Variants in SMIM10L1 observed in about 807,000 individuals in gnomAD.
SMIM10L1 encodes small integral membrane protein 10-like protein 1.
SMIM10L1 carries 6 observed loss-of-function variants against 4.5 expected under a neutral mutation model. The ratio of observed to expected loss-of-function variants is 1.33; its 90% CI spans 0.73 to 2.62. SMIM10L1 has a LOEUF of 2.62. Among genes scored for constraint, SMIM10L1 ranks in the 30% most tolerant of loss-of-function variants. The probability of loss-of-function intolerance (pLI) is 0.00; values close to 1 mark genes in which losing one functional copy is unlikely to be tolerated. For missense variants in SMIM10L1, 66 were observed against 86.2 expected (o/e 0.77, Z 0.93); for synonymous variants, 49 against 42.2 (o/e 1.16, Z -0.63).
rs71055100 is a variant in SMIM10L1 at position 11,174,581 on chromosome 12, C to CA, written c.*3029dup. 41,304 of 136,846 alleles carry CA rather than the reference C, an allele frequency of 0.3. 7,261 individuals carry two copies. The highest frequency in any genetic ancestry group is 0.74 in the East Asian group (3,692 of 5,012). The allele number at this position is 136,846 out of a possible 1,614,324, so 8.5% of individuals were successfully genotyped here. A position where few individuals can be genotyped will look rare whatever the true frequency, so the allele number is the denominator to read the frequency against. On this transcript the variant is annotated 3_prime_UTR_variant, in exon 1 of 1. Coordinates refer to ENST00000622602, the MANE Select transcript of SMIM10L1 (RefSeq NM_001271592.2). ...CAATAGAGATAAGAAATGTAGCTGG[C>CA]AAAAAAAAAAATGGGAAACGATGCG...
At position 11,171,829 on chromosome 12, in the gene SMIM10L1, A is replaced by C; in HGVS notation, c.*266A>C. 1 of 317,792 alleles carries C rather than the reference A, an allele frequency of 3.1e-6. No individual in the cohort carries two copies. Among genetic ancestry groups the C allele is most frequent in the Non-Finnish European group, 5.7e-6 (1 of 174,996 alleles). The allele number at this position is 317,792 out of a possible 1,614,324, so 19.7% of individuals were successfully genotyped here. ...TCTAAGAAAGTGTGCATCCTAAAAC[A>C]CCTGACGAATTTCAGAATGTGACAA... On this transcript the variant is annotated 3_prime_UTR_variant, in exon 1 of 1. Transcript: ENST00000622602.
chr12:11,171,606 C>G lies in SMIM10L1; in HGVS notation c.*43C>G. On this transcript the variant is annotated 3_prime_UTR_variant, in exon 1 of 1. Transcript: ENST00000622602. ...CGGCCTCCGGGGCCAGCATGATGGC[C>G]GACTCCCAGGGTCCGTTGCGGCGCG... The G allele has an allele frequency of 8.3e-7, 1 of 1,210,092 alleles. No homozygotes were observed. Among genetic ancestry groups the G allele is most frequent in the Non-Finnish European group, 1.0e-6 (1 of 967,918 alleles). 75.0% of individuals were successfully genotyped at this position (1,210,092 alleles called of 1,614,324 possible). A position where few individuals can be genotyped will look rare whatever the true frequency, so the allele number is the denominator to read the frequency against.
chr12:11,171,434 C>T lies in SMIM10L1; in HGVS notation c.78C>T (p.Val26=), dbSNP rs1172891875. The change falls in exon 1 of 1, where the codon GTC becomes GTT. Residue 26 remains valine (V), a synonymous_variant. Coordinates refer to ENST00000622602, the MANE Select transcript of SMIM10L1 (RefSeq NM_001271592.2). ...CCGCGACACCCACCTCGTACGGCGTCTTCTGCAAGGGGCTCTCCCGCACCC... is the reference window on the plus strand; with the variant it reads ...CCGCGACACCCACCTCGTACGGCGTTTTCTGCAAGGGGCTCTCCCGCACCC... ...SPAATPTSYG[V]FCKGLSRTLL... The T allele has an allele frequency of 8.1e-6, 10 of 1,231,970 alleles. No individual in the cohort carries two copies. Among genetic ancestry groups the T allele is most frequent in the East Asian group, 3.2e-5 (1 of 31,688 alleles). 76.3% of individuals were successfully genotyped at this position (1,231,970 alleles called of 1,614,324 possible).
In SMIM10L1 at chr12:11,172,523, G is replaced by A. The variant is rs1392883492; in HGVS notation, c.*960G>A. ...AGGGTAGCCATAAAGTTTCTAAAAC[G>A]GTAATATATTAAAGAGGGAGAGTGG... On this transcript the variant is annotated 3_prime_UTR_variant, in exon 1 of 1. Transcript: ENST00000622602. The A allele has an allele frequency of 6.6e-6, 1 of 151,970 alleles. No individual in the cohort carries two copies. The highest frequency in any genetic ancestry group is 1.5e-5 in the Non-Finnish European group (1 of 67,992). 9.4% of individuals were successfully genotyped at this position (151,970 alleles called of 1,614,324 possible). A position where few individuals can be genotyped will look rare whatever the true frequency, so the allele number is the denominator to read the frequency against.
At position 11,172,681 on chromosome 12, in the gene SMIM10L1, G is replaced by C. The variant is rs1414145075; in HGVS notation, c.*1118G>C. Reference sequence around the variant, plus strand: ...GCCTAGAGAGCTTTCATTTTCCAAAGAGTGTGGGGATAAATTAGTGAATGC... The same window carrying C: ...GCCTAGAGAGCTTTCATTTTCCAAACAGTGTGGGGATAAATTAGTGAATGC... On this transcript the variant is annotated 3_prime_UTR_variant, in exon 1 of 1. Transcript: ENST00000622602. 1 of 152,178 alleles carries C rather than the reference G, an allele frequency of 6.6e-6. No homozygotes were observed. The highest frequency in any genetic ancestry group is 1.5e-5 in the Non-Finnish European group (1 of 68,026). 9.4% of individuals were successfully genotyped at this position (152,178 alleles called of 1,614,324 possible). A position where few individuals can be genotyped will look rare whatever the true frequency, so the allele number is the denominator to read the frequency against.
chr12:11,172,179 CGTG>C lies in SMIM10L1; in HGVS notation c.*618_*620del, dbSNP rs1241708423. The stretch of plus-strand genomic sequence containing the variant: ...CTACTTCAGTGATCCTGTGGCAGGA[CGTG>C]GATCAAGACTTGGAACCGCAGAAAA... On this transcript the variant is annotated 3_prime_UTR_variant, in exon 1 of 1. Transcript: ENST00000622602. 1 of 152,138 alleles carries C rather than the reference CGTG, an allele frequency of 6.6e-6. No individual in the cohort carries two copies. The highest frequency in any genetic ancestry group is 1.5e-5 in the Non-Finnish European group (1 of 68,016). The allele number at this position is 152,138 out of a possible 1,614,324, so 9.4% of individuals were successfully genotyped here. A position where few individuals can be genotyped will look rare whatever the true frequency, so the allele number is the denominator to read the frequency against.
Position 11,174,177 on chromosome 12 carries a change from A to G in SMIM10L1, c.*2614A>G, listed in dbSNP as rs1246109226. On this transcript the variant is annotated 3_prime_UTR_variant, in exon 1 of 1. Coordinates refer to ENST00000622602, the MANE Select transcript of SMIM10L1 (RefSeq NM_001271592.2). ...CATGATGCAATTCAGTGAAATTCCCAGGAGACAAAACAAGATTTTGACCTG... is the reference window on the plus strand; with the variant it reads ...CATGATGCAATTCAGTGAAATTCCCGGGAGACAAAACAAGATTTTGACCTG... 1 of 152,102 alleles carries G rather than the reference A, an allele frequency of 6.6e-6. No individual in the cohort carries two copies. The highest frequency in any genetic ancestry group is 6.5e-5 in the Admixed American group (1 of 15,270). The allele number at this position is 152,102 out of a possible 1,614,324, so 9.4% of individuals were successfully genotyped here.
At position 11,171,734 on chromosome 12, in the gene SMIM10L1, G is replaced by C; in HGVS notation, c.*171G>C. On this transcript the variant is annotated 3_prime_UTR_variant, in exon 1 of 1. Coordinates refer to ENST00000622602, the MANE Select transcript of SMIM10L1 (RefSeq NM_001271592.2). ...GCGGAGCTCCTCAGGGGGCGGCCGG[G>C]AGCCTACAATCCCTAGAAAGAGAAT... The C allele has an allele frequency of 7.1e-6, 3 of 424,474 alleles. No homozygotes were observed. The highest frequency in any genetic ancestry group is 1.2e-5 in the Non-Finnish European group (3 of 250,996). The allele number at this position is 424,474 out of a possible 1,614,324, so 26.3% of individuals were successfully genotyped here.
In SMIM10L1 at chr12:11,171,737, C is replaced by T. The variant is rs1457580711; in HGVS notation, c.*174C>T. ...GAGCTCCTCAGGGGGCGGCCGGGAG[C>T]CTACAATCCCTAGAAAGAGAATACG... On this transcript the variant is annotated 3_prime_UTR_variant, in exon 1 of 1. Coordinates refer to ENST00000622602, the MANE Select transcript of SMIM10L1 (RefSeq NM_001271592.2). The T allele has an allele frequency of 1.7e-5, 7 of 411,308 alleles. No individual in the cohort carries two copies. The highest frequency in any genetic ancestry group is 2.5e-5 in the Non-Finnish European group (6 of 239,176). The allele number at this position is 411,308 out of a possible 1,614,324, so 25.5% of individuals were successfully genotyped here.
At position 11,172,599 on chromosome 12, in the gene SMIM10L1, C is replaced by T. The variant is rs550626850; in HGVS notation, c.*1036C>T. On this transcript the variant is annotated 3_prime_UTR_variant, in exon 1 of 1. Transcript: ENST00000622602. ...AGGAAATGGCTAAAGATGGAGAGCT[C>T]AGGTAGAATAGTTTAAAAAATGAAA... The T allele has an allele frequency of 8.0e-4, 122 of 152,100 alleles. No individual in the cohort carries two copies. The highest frequency in any genetic ancestry group is 2.8e-3 in the African/African-American group (117 of 41,458). The allele number at this position is 152,100 out of a possible 1,614,324, so 9.4% of individuals were successfully genotyped here.
At position 11,174,685 on chromosome 12, in the gene SMIM10L1, T is replaced by G. The variant is rs1249129819; in HGVS notation, c.*3122T>G. On this transcript the variant is annotated 3_prime_UTR_variant, in exon 1 of 1. Transcript: ENST00000622602. ...ACCTAAGGGATAGGGGAAAAGTTGT[T>G]TTTTTTTTTTTAATTCTGGGTAAAA... The G allele has an allele frequency of 1.2e-4, 2 of 16,198 alleles. No individual in the cohort carries two copies. Among genetic ancestry groups the G allele is most frequent in the Non-Finnish European group, 4.8e-4 (1 of 2,072 alleles). 1.0% of individuals were successfully genotyped at this position (16,198 alleles called of 1,614,324 possible). A position where few individuals can be genotyped will look rare whatever the true frequency, so the allele number is the denominator to read the frequency against.
Position 11,174,061 on chromosome 12 carries a change from G to A in SMIM10L1, c.*2498G>A, listed in dbSNP as rs1289812950. On this transcript the variant is annotated 3_prime_UTR_variant, in exon 1 of 1. Transcript: ENST00000622602. ...TAATATATGTATATATATATATTAG[G>A]AGTTAAATGTATTAGGAGGTAAATG... 6.7e-6 allele frequency: 1 copy of A among 150,330 alleles called. No individual in the cohort carries two copies. The highest frequency in any genetic ancestry group is 1.5e-5 in the Non-Finnish European group (1 of 67,518). The allele number at this position is 150,330 out of a possible 1,614,324, so 9.3% of individuals were successfully genotyped here. A position where few individuals can be genotyped will look rare whatever the true frequency, so the allele number is the denominator to read the frequency against.
rs891863835 is a variant in SMIM10L1 at position 11,172,061 on chromosome 12, A to C, written c.*498A>C. 1.3e-5 allele frequency: 2 copies of C among 152,276 alleles called. No individual in the cohort carries two copies. Among genetic ancestry groups the C allele is most frequent in the African/African-American group, 4.8e-5 (2 of 41,462 alleles). The allele number at this position is 152,276 out of a possible 1,614,324, so 9.4% of individuals were successfully genotyped here. ...TAATCAGAAATTTTCGGTGAAAAAA[A>C]CGCAAAACTGTACAGGAAAATCATC... On this transcript the variant is annotated 3_prime_UTR_variant, in exon 1 of 1. Coordinates refer to ENST00000622602, the MANE Select transcript of SMIM10L1 (RefSeq NM_001271592.2).
At position 11,174,993 on chromosome 12, in the gene SMIM10L1, A is replaced by G. The variant is rs868218956; in HGVS notation, c.*3430A>G. 1 of 152,308 alleles carries G rather than the reference A, an allele frequency of 6.6e-6. No individual in the cohort carries two copies. Among genetic ancestry groups the G allele is most frequent in the Non-Finnish European group, 1.5e-5 (1 of 68,022 alleles). 9.4% of individuals were successfully genotyped at this position (152,308 alleles called of 1,614,324 possible). A position where few individuals can be genotyped will look rare whatever the true frequency, so the allele number is the denominator to read the frequency against. The stretch of plus-strand genomic sequence containing the variant: ...TTTCATAAGGAGTTCAATTTTCTTA[A>G]ATGTGTAGATAATTACAAATAATTC... On this transcript the variant is annotated 3_prime_UTR_variant, in exon 1 of 1. Coordinates refer to ENST00000622602, the MANE Select transcript of SMIM10L1 (RefSeq NM_001271592.2).
rs1947935443 is a variant in SMIM10L1, at chr12:11,175,536, C to CA, written c.*3974dup. On this transcript the variant is annotated 3_prime_UTR_variant, in exon 1 of 1. Transcript: ENST00000622602. ...ATATCCTAATACTTGGAAGTTTGAG[C>CA]ATGGAAAGTAGTCTAAAGACGACTT... The CA allele has an allele frequency of 6.6e-6, 1 of 152,180 alleles. No individual in the cohort carries two copies. Among genetic ancestry groups the CA allele is most frequent in the Admixed American group, 6.5e-5 (1 of 15,288 alleles). 9.4% of individuals were successfully genotyped at this position (152,180 alleles called of 1,614,324 possible).
rs1415708052 is a variant in SMIM10L1, at chr12:11,172,754, G to A, written c.*1191G>A. On this transcript the variant is annotated 3_prime_UTR_variant, in exon 1 of 1. Transcript: ENST00000622602. ...CAGAACATATAATTTTGAACGCTGA[G>A]AAAAATAAAAATTTAAAAACTACAC... is the stretch of plus-strand genomic sequence containing the variant. The A allele has an allele frequency of 6.6e-6, 1 of 152,094 alleles. No homozygotes were observed. The highest frequency in any genetic ancestry group is 2.4e-5 in the African/African-American group (1 of 41,410). 9.4% of individuals were successfully genotyped at this position (152,094 alleles called of 1,614,324 possible).
Position 11,174,487 on chromosome 12 carries a change from A to T in SMIM10L1, c.*2924A>T, listed in dbSNP as rs755321640. Reference sequence around the variant, plus strand: ...ATAAATTGGGCTTTTTCAGGCCATCATGCACGTTGATTGATCCAGAGATCC... The same window carrying T: ...ATAAATTGGGCTTTTTCAGGCCATCTTGCACGTTGATTGATCCAGAGATCC... On this transcript the variant is annotated 3_prime_UTR_variant, in exon 1 of 1. Coordinates refer to ENST00000622602, the MANE Select transcript of SMIM10L1 (RefSeq NM_001271592.2). 8 of 152,088 alleles carry T rather than the reference A, an allele frequency of 5.3e-5. No individual in the cohort carries two copies. Among genetic ancestry groups the T allele is most frequent in the Non-Finnish European group, 8.8e-5 (6 of 67,996 alleles). The allele number at this position is 152,088 out of a possible 1,614,324, so 9.4% of individuals were successfully genotyped here.
rs896160448 is a variant in SMIM10L1 at position 11,173,823 on chromosome 12, A to G, written c.*2260A>G. ...TGGCAGCTCTGTGAGGGAAGACACT[A>G]TATCCTATTCAATTTTACACCCGGT... On this transcript the variant is annotated 3_prime_UTR_variant, in exon 1 of 1. Transcript: ENST00000622602. 6.6e-6 allele frequency: 1 copy of G among 151,946 alleles called. No individual in the cohort carries two copies. The highest frequency in any genetic ancestry group is 2.4e-5 in the African/African-American group (1 of 41,376). The allele number at this position is 151,946 out of a possible 1,614,324, so 9.4% of individuals were successfully genotyped here. A position where few individuals can be genotyped will look rare whatever the true frequency, so the allele number is the denominator to read the frequency against.
rs1429752843 is a variant in SMIM10L1, at chr12:11,173,295, A to G, written c.*1732A>G. On this transcript the variant is annotated 3_prime_UTR_variant, in exon 1 of 1. Coordinates refer to ENST00000622602, the MANE Select transcript of SMIM10L1 (RefSeq NM_001271592.2). ...GTCTCCAGCCAAACTCCATTTGGGC[A>G]CATTCTCCTATAGCCTTTTCTACCT... 3 of 152,174 alleles carry G rather than the reference A, an allele frequency of 2.0e-5. No individual in the cohort carries two copies. Among genetic ancestry groups the G allele is most frequent in the Non-Finnish European group, 1.5e-5 (1 of 68,024 alleles). 9.4% of individuals were successfully genotyped at this position (152,174 alleles called of 1,614,324 possible).
Sources: gnomAD v4.1 joint callset for allele counts on GRCh38, gnomAD v4.1.1 for gene constraint, MANE v1.5 for transcripts, NCBI Gene and HGNC (gene_info 2026-07-23, HGNC 2026-07-21) for gene names.